The following CWF19L1 variants were observed in gnomAD, a reference collection of about 807,000 sequenced individuals.
CWF19L1 encodes the protein CWF19 like cell cycle control factor 1.
CWF19L1 carries 60 observed loss-of-function variants against 69.7 expected under a neutral mutation model. The ratio of observed to expected loss-of-function variants is 0.86; its 90% CI spans 0.70 to 1.07. The LOEUF is 1.07. Ranked by LOEUF, CWF19L1 falls within the 50% of genes least tolerant of loss-of-function variation. The probability of loss-of-function intolerance (pLI) is 0.00; values close to 1 mark genes in which losing one functional copy is unlikely to be tolerated. For synonymous variants in CWF19L1, 209 were observed against 222.2 expected (o/e 0.94, Z 0.53); for missense variants, 591 against 638.9 (o/e 0.92, Z 0.81).
At chr10:100,238,272 T>A (rs1237985272) in intron 10 of CWF19L1, 41 bp from the exon 11 acceptor site, 1 of 1,580,332 alleles carries the variant, frequency 6.3e-7, no homozygotes. Flanking sequence ...CAATACAGCA[T>A]GTAGGATTCT....
chr10:100,265,101 A>G (rs1168425045), intron 1 of CWF19L1, among the ~76,000 whole-genome samples: 1 of 151,630 alleles, frequency 6.6e-6, no homozygotes, highest in Non-Finnish European at 1.5e-5. Context: ...AGCCTGGGCG[A>G]CAGTGAGACC....
At chr10:100,254,754 C>T (rs1198533232) in intron 5 of CWF19L1, 2 of 152,184 alleles carry the variant, frequency 1.3e-5, no homozygotes, top group Admixed American at 6.5e-5. Flanking sequence ...ATTTTCTCAT[C>T]CTTCCTTACA....
intron 10 of CWF19L1, among the ~76,000 whole-genome samples, chr10:100,242,463 C>A (rs11190435): frequency 6.6e-6 from 1 of 152,154 alleles, no homozygotes; most frequent in Non-Finnish European, 1.5e-5. Flanking sequence ...CACCTGAGGT[C>A]GGGAGTTTGA....
chr10:100,251,348 T>C (rs1440814800), intron 6 of CWF19L1, among the ~76,000 whole-genome samples: 1 of 152,190 alleles, frequency 6.6e-6, no homozygotes, highest in Non-Finnish European at 1.5e-5. Flanking sequence ...TGTGTGAGGA[T>C]TCCAATTCCT....
chr10:100,263,814 C>G (rs1283511231), intron 1 of CWF19L1, among the ~76,000 whole-genome samples: 1 of 152,236 alleles, frequency 6.6e-6, no homozygotes, highest in East Asian at 1.9e-4. Flanking sequence ...AATCCCTAAA[C>G]TATTCCTCTG....
chr10:100,262,442 C>T (rs1175959386), intron 1 of CWF19L1: 1 of 985,168 alleles, frequency 1.0e-6, no homozygotes, highest in Non-Finnish European at 1.2e-6. Context: ...ATTTTGACTC[C>T]TCCTATCTTA....
rs1382207138 is a variant in CWF19L1, at chr10:100,235,697, A to T, written c.1442T>A (p.Ile481Asn). Residue 481 changes from isoleucine to asparagine, a missense_variant, in exon 13 of 14, where the codon ATT (isoleucine) becomes AAT (asparagine). Coordinates refer to ENST00000354105, the MANE Select transcript of CWF19L1 (RefSeq NM_018294.6). ...LDTGEKLFHR[I>N]KKNFPLQFGR... is the part of the protein sequence containing the mutation. Reference sequence around the variant, plus strand: ...AAACTGCAAAGGAAAATTCTTTTTAATTCTGTGGAAAAGCTTTTCTCCTGT... The same window carrying T: ...AAACTGCAAAGGAAAATTCTTTTTATTTCTGTGGAAAAGCTTTTCTCCTGT... 1 of 1,612,410 alleles carries T rather than the reference A, an allele frequency of 6.2e-7. No individual in the cohort carries two copies. The highest frequency in any genetic ancestry group is 1.3e-5 in the African/African-American group (1 of 75,060).
chr10:100,261,852 T>C, intron 2 of CWF19L1, 127 bp downstream of exon 2: 2 of 703,812 alleles, frequency 2.8e-6, no homozygotes, highest in Non-Finnish European at 4.6e-6. Flanking sequence ...TAAGTTCCTA[T>C]GCTCATGAAG....
rs1288119668 is a variant in CWF19L1, at chr10:100,267,558, C to G, written c.23+13G>C. ...AGACACAGGGAGAGAGGCTTCCATT[C>G]ACGGTCACTCACAGGCGCAGCGGTT... On this transcript the variant is annotated intron_variant, in intron 1 of 13. Coordinates refer to ENST00000354105, the MANE Select transcript of CWF19L1 (RefSeq NM_018294.6). The G allele has an allele frequency of 6.2e-7, 1 of 1,614,202 alleles. No homozygotes were observed. Among genetic ancestry groups the G allele is most frequent in the Non-Finnish European group, 8.5e-7 (1 of 1,180,038 alleles).
rs1490250696 is a variant in CWF19L1, at chr10:100,232,932, C to G, written c.*295G>C. ...AGCCAAGGCAGAGGATCCCTTGAGCCTAGGCATTACAGACCAGCCTGGGCA... is the reference window on the plus strand; with the variant it reads ...AGCCAAGGCAGAGGATCCCTTGAGCGTAGGCATTACAGACCAGCCTGGGCA... On this transcript the variant is annotated 3_prime_UTR_variant, in exon 14 of 14. Transcript: ENST00000354105. The G allele has an allele frequency of 2.1e-5, 4 of 189,774 alleles. No individual in the cohort carries two copies. Among genetic ancestry groups the G allele is most frequent in the Non-Finnish European group, 4.3e-5 (4 of 92,620 alleles). 11.8% of individuals were successfully genotyped at this position (189,774 alleles called of 1,614,324 possible).
At chr10:100,267,386 C>G (rs1589640397) in intron 1 of CWF19L1, 185 bp downstream of exon 1, 1 of 979,856 alleles carries the variant, frequency 1.0e-6, no homozygotes, top group Non-Finnish European at 1.2e-6. Context: ...CCCTCAGAAG[C>G]GAAAAGGGCC....
chr10:100,241,619 A>G (rs764751848), intron 10 of CWF19L1, among the ~76,000 whole-genome samples: 20 of 152,232 alleles, frequency 1.3e-4, no homozygotes, highest in Non-Finnish European at 2.5e-4. Flanking sequence ...ATTTATTTGA[A>G]TAGAAATCTA....
At position 100,264,710 on chromosome 10, in the gene CWF19L1, AT is replaced by A. The variant is rs771145441; in HGVS notation, c.24-2648del. 2.0e-5 allele frequency among the ~76,000 whole-genome samples: 3 copies of A among 152,088 alleles called. No individual in the cohort carries two copies. In the South Asian group the frequency reaches 6.2e-4, roughly 32 times the overall value. On this transcript the variant is annotated intron_variant, in intron 1 of 13. Transcript: ENST00000354105. ...ATCATAGGAGATGACAGCTTCATGC[AT>A]GTTATTACTACTGAAGCCCTTCCAG...
chr10:100,244,395 G>A (rs1007543629), intron 9 of CWF19L1, among the ~76,000 whole-genome samples: 1 of 152,130 alleles, frequency 6.6e-6, no homozygotes, highest in Non-Finnish European at 1.5e-5. Context: ...TCGCTCTGTC[G>A]CCTAGGGTGG....
chr10:100,245,919 A>C lies in CWF19L1; in HGVS notation c.850-6T>G. The stretch of plus-strand genomic sequence containing the variant: ...AACTGACAGGCTGATTCTTCCTGGA[A>C]TGGCCAAAAGCAGAAGATTAAATGT... On this transcript the variant is annotated splice_region_variant and splice_polypyrimidine_tract_variant and intron_variant, in intron 8 of 13. Transcript: ENST00000354105. 1 of 1,603,364 alleles carries C rather than the reference A, an allele frequency of 6.2e-7. No individual in the cohort carries two copies. The highest frequency in any genetic ancestry group is 8.5e-7 in the Non-Finnish European group (1 of 1,170,344).
At chr10:100,238,300 T>C (rs544398944) in intron 10 of CWF19L1, 69 bp from the exon 11 acceptor site, 24 of 1,449,938 alleles carry the variant, frequency 1.7e-5, no homozygotes, top group Middle Eastern at 2.1e-4. Flanking sequence ...GAAAAACCTA[T>C]ACAAAAAGTG....
At chr10:100,243,553 G>C (rs1375757511) in intron 10 of CWF19L1, 145 bp downstream of exon 10, 2 of 707,186 alleles carry the variant, frequency 2.8e-6, no homozygotes, top group Non-Finnish European at 5.0e-6. Flanking sequence ...ACCACGTGAT[G>C]GTGGCATAAC....
At position 100,245,869 on chromosome 10, in the gene CWF19L1, C is replaced by T. The variant is rs764370062; in HGVS notation, c.894G>A (p.Gln298=). The change falls in exon 9 of 14, where the codon CAG becomes CAA. Residue 298 remains glutamine (Q), a synonymous_variant. Transcript: ENST00000354105. ...TACCTGTGGATGAACGCTTCCTTCC[C>T]TGCTTTTCATTTAAATCAAAGAAAA... The part of the protein sequence containing the change: ...CQFFFDLNEK[Q]GRKRSSTGRD... The T allele has an allele frequency of 6.2e-7, 1 of 1,614,186 alleles. No individual in the cohort carries two copies. The highest frequency in any genetic ancestry group is 1.1e-5 in the South Asian group (1 of 91,082).
chr10:100,248,218 G>T (rs1846894866), intron 7 of CWF19L1: 3 of 745,350 alleles, frequency 4.0e-6, no homozygotes, highest in South Asian at 2.9e-5. Context: ...TTATGTGGAG[G>T]TCAGAGTGGA....
Sources: allele counts gnomAD v4.1 joint callset (sites outside exome capture counted in the v4.1 genomes callset), GRCh38; gene constraint gnomAD v4.1.1; transcripts MANE v1.5; gene names NCBI Gene and HGNC (gene_info 2026-07-23, HGNC 2026-07-21).